The following HYCC2 variants were observed in gnomAD, a reference collection of about 807,000 sequenced individuals.
The protein encoded by HYCC2 is hyccin 2.
the HYCC2 span, among the ~76,000 whole-genome samples, chr2:201,002,927 T>C: frequency 6.6e-6 from 1 of 152,226 alleles, no homozygotes; most frequent in Non-Finnish European, 1.5e-5. Flanking sequence ...CCCTGTAATA[T>C]TGTTTATAGC....
the HYCC2 span, among the ~76,000 whole-genome samples, chr2:201,033,034 A>T: frequency 2.6e-4 from 39 of 151,630 alleles, no homozygotes; most frequent in African/African-American, 8.2e-4. Context: ...TTTTTTTTTT[A>T]AATGTATATT....
the HYCC2 span, among the ~76,000 whole-genome samples, chr2:201,036,067 A>G: frequency 7.4e-3 from 1,131 of 152,278 alleles, 19 homozygotes; most frequent in African/African-American, 0.026. Flanking sequence ...GGATATCACC[A>G]CCGATCCCAC....
the HYCC2 span, among the ~76,000 whole-genome samples, chr2:201,055,243 C>T: frequency 2.4e-3 from 361 of 151,812 alleles, 1 homozygote; most frequent in African/African-American, 8.0e-3. Flanking sequence ...TTTTAATGTA[C>T]ATTTCAGTAG....
At chr2:201,041,243 A>G in the HYCC2 span, among the ~76,000 whole-genome samples, 1 of 152,156 alleles carries the variant, frequency 6.6e-6, no homozygotes, top group African/African-American at 2.4e-5. Flanking sequence ...TGACCTATAC[A>G]AGGTAACACA....
At chr2:200,973,967 A>C in the HYCC2 span, 1 of 152,130 alleles carries the variant, frequency 6.6e-6, no homozygotes, top group Non-Finnish European at 1.5e-5. Context: ...CATTTCAACA[A>C]TCAACAGCAT....
chr2:200,980,250 C>T, the HYCC2 span: 2 of 152,520 alleles, frequency 1.3e-5, no homozygotes, highest in African/African-American at 4.8e-5. Context: ...TCTGACATAA[C>T]AGAAAGTAGA....
At chr2:200,978,196 A>G in the HYCC2 span, 5 of 152,238 alleles carry the variant, frequency 3.3e-5, no homozygotes, top group African/African-American at 1.2e-4. Flanking sequence ...GTTAAAATGC[A>G]TATTTAAAAA....
chr2:201,023,772 T>C, the HYCC2 span: 5 of 510,466 alleles, frequency 9.8e-6, no homozygotes, highest in Admixed American at 3.4e-5. Context: ...CCATTATTCA[T>C]ATTAGTACCA....
the HYCC2 span, among the ~76,000 whole-genome samples, chr2:201,015,000 T>A: frequency 6.6e-6 from 1 of 152,130 alleles, no homozygotes; most frequent in Non-Finnish European, 1.5e-5. Flanking sequence ...ATTAACAAAT[T>A]TACAACTTTT....
At chr2:201,029,222 G>A in the HYCC2 span, among the ~76,000 whole-genome samples, 12 of 152,262 alleles carry the variant, frequency 7.9e-5, no homozygotes, top group East Asian at 1.3e-3. Flanking sequence ...ATCATCACTG[G>A]TTATCAGAGA....
chr2:201,024,930 G>A, the HYCC2 span, among the ~76,000 whole-genome samples: 1 of 151,938 alleles, frequency 6.6e-6, no homozygotes, highest in Non-Finnish European at 1.5e-5. Flanking sequence ...GCAACATGGT[G>A]AGACCCAATA....
the HYCC2 span, chr2:201,022,741 GGAAA>G: frequency 1.1e-5 from 9 of 792,256 alleles, no homozygotes; most frequent in African/African-American, 1.8e-5. Context: ...AGATCCACAA[GGAAA>G]GAAAATTATA....
chr2:201,002,890 C>T, the HYCC2 span, among the ~76,000 whole-genome samples: 5 of 152,076 alleles, frequency 3.3e-5, no homozygotes, highest in African/African-American at 9.7e-5. Flanking sequence ...CGTGCTCTCA[C>T]GCAAATGTAT....
the HYCC2 span, among the ~76,000 whole-genome samples, chr2:201,048,196 AAAG>A: frequency 7.8e-4 from 119 of 152,134 alleles, no homozygotes; most frequent in African/African-American, 2.8e-3. Flanking sequence ...GTAAAAAGTT[AAAG>A]AAGGAAGTTG....
At chr2:201,005,948 C>T in the HYCC2 span, among the ~76,000 whole-genome samples, 1 of 152,068 alleles carries the variant, frequency 6.6e-6, no homozygotes, top group Admixed American at 6.5e-5. Context: ...ATTCTCCTGT[C>T]TCAGCCTCCT....
the HYCC2 span, chr2:201,017,168 G>A: frequency 1.2e-6 from 2 of 1,609,610 alleles, no homozygotes; most frequent in African/African-American, 1.3e-5. Flanking sequence ...CAGGCTCCAG[G>A]AGCTAAAAGG....
At chr2:201,034,970 C>A in the HYCC2 span, among the ~76,000 whole-genome samples, 1 of 152,158 alleles carries the variant, frequency 6.6e-6, no homozygotes, top group Non-Finnish European at 1.5e-5. Flanking sequence ...CTGAGAGATC[C>A]GCTGTTAGTC....
chr2:201,068,295 GA>G, the HYCC2 span, among the ~76,000 whole-genome samples: 6 of 144,028 alleles, frequency 4.2e-5, no homozygotes, highest in African/African-American at 5.1e-5. Flanking sequence ...CTCAAAAAAA[GA>G]AAAAAAAAAG....
the HYCC2 span, among the ~76,000 whole-genome samples, chr2:201,014,786 T>G: frequency 6.6e-6 from 1 of 152,196 alleles, no homozygotes; most frequent in East Asian, 1.9e-4. Flanking sequence ...CAACTAAACT[T>G]TATTATGTGG....
Sources: allele counts gnomAD v4.1 joint callset (sites outside exome capture counted in the v4.1 genomes callset), GRCh38; gene constraint gnomAD v4.1.1; transcripts MANE v1.5; gene names NCBI Gene and HGNC (gene_info 2026-07-23, HGNC 2026-07-21).